PTPRD: variants seen among roughly 807,000 people sequenced by gnomAD.
PTPRD encodes the protein receptor-type tyrosine-protein phosphatase delta.
A neutral mutation model predicts 214.5 loss-of-function variants in PTPRD; 34 were observed. That is an observed-to-expected ratio of 0.16 (90% CI 0.12 to 0.21). The LOEUF (loss-of-function observed/expected upper bound fraction) is 0.21, where lower values mean the gene tolerates loss of function less well. PTPRD is among the 10% of genes least tolerant of loss of function. PTPRD has a pLI of 1.00. For synonymous variants in PTPRD, 1,128 were observed against 845.7 expected, an observed-to-expected ratio of 1.33 and a Z score of -5.79; for missense variants, 2,545 against 2,398.7, an observed-to-expected ratio of 1.06 and a Z score of -1.27.
At chr9:9,570,650 T>G (rs1428124541) in intron 8 of PTPRD, among the ~76,000 whole-genome samples, 2 of 151,610 alleles carry the variant, frequency 1.3e-5, no homozygotes, top group Admixed American at 1.3e-4. Context: ...CAGCTATTTG[T>G]GTTTTACCTT....
At chr9:10,023,354 T>C (rs971860839) in intron 4 of PTPRD, among the ~76,000 whole-genome samples, 3 of 152,138 alleles carry the variant, frequency 2.0e-5, no homozygotes, top group Non-Finnish European at 4.4e-5. Flanking sequence ...GCCACAGACA[T>C]GTATGCCTGA....
intron 7 of PTPRD, among the ~76,000 whole-genome samples, chr9:9,717,045 A>ATC (rs1451562219): frequency 1.3e-5 from 2 of 152,058 alleles, no homozygotes; most frequent in African/African-American, 4.8e-5. Context: ...TAAGGAAGGG[A>ATC]ACCAGTTTCA....
intron 4 of PTPRD, among the ~76,000 whole-genome samples, chr9:9,980,773 G>T (rs1207365619): frequency 2.0e-5 from 3 of 151,368 alleles, no homozygotes; most frequent in Non-Finnish European, 2.9e-5. Context: ...CAACAAGGTC[G>T]CAAAAAAGCC....
intron 21 of PTPRD, among the ~76,000 whole-genome samples, chr9:8,514,333 T>A (rs2097743677): frequency 6.6e-6 from 1 of 152,150 alleles, no homozygotes; most frequent in Admixed American, 6.6e-5. Flanking sequence ...AAAAATTTTG[T>A]TTCTCAGATA....
chr9:8,929,223 A>G (rs1335041254), intron 11 of PTPRD, among the ~76,000 whole-genome samples: 6 of 152,072 alleles, frequency 3.9e-5, no homozygotes, highest in East Asian at 1.9e-4. Flanking sequence ...TTCCAACACT[A>G]TGTTTAATAG....
chr9:8,688,143 T>A lies in PTPRD; in HGVS notation c.64+45637A>T, dbSNP rs78461765. Among the ~76,000 whole-genome samples the A allele has an allele frequency of 9.7e-3, 1,473 of 152,354 alleles. 22 individuals carry two copies. Among genetic ancestry groups the A allele is most frequent in the African/African-American group, 0.033 (1,370 of 41,574 alleles). ...AGTAATTTACAATGCTGAATAAATG[T>A]ATCGTTTTCATAAGGGACAGATGTA... On this transcript the variant is annotated intron_variant, in intron 12 of 45. Transcript: ENST00000381196.
intron 3 of PTPRD, among the ~76,000 whole-genome samples, chr9:10,238,178 T>C (rs59761926): frequency 0.42 from 63,638 of 151,572 alleles, 14,621 homozygotes; most frequent in East Asian, 0.61. Context: ...TCATACCTGC[T>C]CTAAAGGACA....
At chr9:8,746,989 A>G (rs1213359225) in intron 11 of PTPRD, among the ~76,000 whole-genome samples, 3 of 152,178 alleles carry the variant, frequency 2.0e-5, no homozygotes, top group Non-Finnish European at 4.4e-5. Context: ...ATGTGCAAGG[A>G]TGGGTGGAAG....
chr9:10,428,355 C>G (rs1436924700), intron 2 of PTPRD, among the ~76,000 whole-genome samples: 1 of 151,948 alleles, frequency 6.6e-6, no homozygotes, highest in African/African-American at 2.4e-5. Flanking sequence ...CTTTATAATG[C>G]CTCAGTAACA....
intron 9 of PTPRD, among the ~76,000 whole-genome samples, chr9:9,393,234 G>T (rs7871026): frequency 0.26 from 40,164 of 151,980 alleles, 5,461 homozygotes; most frequent in Middle Eastern, 0.3. Flanking sequence ...CCAGGTATGC[G>T]TATACTTGTC....
In PTPRD at chr9:8,316,798, T is replaced by TAAAG. The variant is rs1228317100; in HGVS notation, c.*1072_*1075dup. ...CTGATGTGCATTCCTCATTTCCCTT[T>TAAAG]AAAGAAATACCAATATGTCAAAAAA... On this transcript the variant is annotated 3_prime_UTR_variant, in exon 46 of 46. Transcript: ENST00000381196. 10 of 231,256 alleles carry TAAAG rather than the reference T, an allele frequency of 4.3e-5. No homozygotes were observed. The highest frequency in any genetic ancestry group is 1.1e-4 in the Admixed American group (2 of 17,680). The allele number at this position is 231,256 out of a possible 1,614,324, so 14.3% of individuals were successfully genotyped here.
At chr9:10,146,968 T>C (rs2099027086) in intron 3 of PTPRD, among the ~76,000 whole-genome samples, 1 of 151,958 alleles carries the variant, frequency 6.6e-6, no homozygotes, top group South Asian at 2.1e-4. Flanking sequence ...GATCCAGACA[T>C]GTAGGTGGCG....
intron 7 of PTPRD, among the ~76,000 whole-genome samples, chr9:9,670,593 G>A (rs557537934): frequency 1.9e-4 from 29 of 152,302 alleles, no homozygotes; most frequent in African/African-American, 7.0e-4. Flanking sequence ...AGGAGAAAAT[G>A]GTTCTGTGGG....
chr9:10,474,799 G>A (rs981334364), intron 2 of PTPRD, among the ~76,000 whole-genome samples: 10 of 152,084 alleles, frequency 6.6e-5, no homozygotes, highest in Non-Finnish European at 1.2e-4. Flanking sequence ...AGACCACAGT[G>A]CAATCAAATT....
intron 5 of PTPRD, among the ~76,000 whole-genome samples, chr9:9,930,238 T>C (rs1374145178): frequency 1.3e-5 from 2 of 152,018 alleles, no homozygotes; most frequent in African/African-American, 4.8e-5. Context: ...AGTACACAAT[T>C]AGAGTGTGCC....
Position 10,486,254 on chromosome 9 carries a change from C to T in PTPRD, c.-600+126144G>A, listed in dbSNP as rs140842456. Among the ~76,000 whole-genome samples the T allele has an allele frequency of 1.9e-3, 290 of 152,282 alleles. 1 individual carries two copies. Among genetic ancestry groups the T allele is most frequent in the Middle Eastern group, 3.4e-3 (1 of 294 alleles). On this transcript the variant is annotated intron_variant, in intron 2 of 45. Transcript: ENST00000381196. ...CTGGGATTTTGTCATGAAGTCTTTGCCCACGCCTATGTCCTGAATTGTATT... is the reference window on the plus strand; with the variant it reads ...CTGGGATTTTGTCATGAAGTCTTTGTCCACGCCTATGTCCTGAATTGTATT...
chr9:9,865,136 T>C (rs1024256034), intron 5 of PTPRD, among the ~76,000 whole-genome samples: 1 of 152,204 alleles, frequency 6.6e-6, no homozygotes, highest in Non-Finnish European at 1.5e-5. Flanking sequence ...TAAAAGTTTA[T>C]GTATGCATTG....
intron 44 of PTPRD, among the ~76,000 whole-genome samples, chr9:8,320,898 C>T (rs1826725258): frequency 6.6e-6 from 1 of 152,074 alleles, no homozygotes; most frequent in South Asian, 2.1e-4. Context: ...AAAATCCCTG[C>T]ATTTTTGGAT....
chr9:8,397,072 G>A (rs2091364006), intron 36 of PTPRD, among the ~76,000 whole-genome samples: 1 of 152,140 alleles, frequency 6.6e-6, no homozygotes, highest in South Asian at 2.1e-4. Flanking sequence ...GCTCTGAAGA[G>A]TGTGAGAAAA....
Sources: allele counts gnomAD v4.1 joint callset (sites outside exome capture counted in the v4.1 genomes callset), GRCh38; gene constraint gnomAD v4.1.1; transcripts MANE v1.5; gene names NCBI Gene and HGNC (gene_info 2026-07-23, HGNC 2026-07-21).